CLIP1: variants seen among roughly 807,000 people sequenced by gnomAD.
CLIP1 encodes CAP-Gly domain containing linker protein 1, also known as CAP-Gly domain-containing linker protein 1.
A neutral mutation model predicts 161.6 loss-of-function variants in CLIP1; 66 were observed. The observed-to-expected ratio is 0.41, with a 90% confidence interval of 0.33 to 0.50. CLIP1 has a LOEUF of 0.50. Among genes scored for constraint, CLIP1 ranks in the 20% least tolerant of loss-of-function variants. CLIP1 has a pLI of 0.27. For synonymous variants in CLIP1, 598 were observed against 626.2 expected (o/e 0.96, Z 0.67); for missense variants, 1,376 against 1,702.0 (o/e 0.81, Z 3.37).
intron 1 of CLIP1, among the ~76,000 whole-genome samples, chr12:122,402,334 A>T (rs1039018972): frequency 3.3e-5 from 5 of 152,134 alleles, no homozygotes; most frequent in Admixed American, 6.6e-5. Context: ...CAAAATTTTT[A>T]AAAATTAGCT....
intron 11 of CLIP1, among the ~76,000 whole-genome samples, chr12:122,340,458 T>A (rs1336866588): frequency 6.6e-6 from 1 of 152,216 alleles, no homozygotes; most frequent in Non-Finnish European, 1.5e-5. Flanking sequence ...GATTATAGAC[T>A]GGAGCTAAGC....
intron 20 of CLIP1, among the ~76,000 whole-genome samples, chr12:122,296,338 G>A (rs952008054): frequency 6.6e-6 from 1 of 152,102 alleles, no homozygotes; most frequent in African/African-American, 2.4e-5. Flanking sequence ...AATTTTATTT[G>A]ATGTAAATTA....
intron 23 of CLIP1, 193 bp from the exon 24 acceptor site, chr12:122,278,396 C>A: frequency 1.6e-6 from 1 of 607,908 alleles, no homozygotes; most frequent in Admixed American, 3.0e-5. Context: ...CTCACAGACA[C>A]CAGCCTTGCC....
At chr12:122,336,435 T>C in intron 12 of CLIP1, among the ~76,000 whole-genome samples, 197 bp downstream of exon 12, 1 of 131,744 alleles carries the variant, frequency 7.6e-6, no homozygotes, top group East Asian at 2.3e-4. Context: ...AAAAAAAAAG[T>C]AATACCTACC....
intron 10 of CLIP1, 60 bp from the exon 11 acceptor site, chr12:122,341,757 CTTTTCTTTTTTTTT>C: frequency 2.2e-5 from 2 of 89,256 alleles, no homozygotes; most frequent in East Asian, 1.6e-4. Context: ...TGACTATTTT[CTTTTCTTTTTTTTT>C]TTTTTTTTTT....
At chr12:122,351,218 G>GC in intron 8 of CLIP1, 75 bp from the exon 9 acceptor site, 2 of 878,922 alleles carry the variant, frequency 2.3e-6, no homozygotes, top group South Asian at 2.2e-5. Context: ...ATGTGTTAGG[G>GC]TTTCAAGATA....
At chr12:122,422,049 G>T (rs1289471587) in intron 1 of CLIP1, among the ~76,000 whole-genome samples, 1 of 152,168 alleles carries the variant, frequency 6.6e-6, no homozygotes, top group Non-Finnish European at 1.5e-5. Context: ...GATCGCGGGC[G>T]CCGGGCACCC....
intron 1 of CLIP1, among the ~76,000 whole-genome samples, chr12:122,421,904 G>C (rs192989202): frequency 6.6e-6 from 1 of 152,210 alleles, no homozygotes; most frequent in African/African-American, 2.4e-5. Flanking sequence ...ACCGGGCAGC[G>C]GTGTGATTTC....
chr12:122,327,805 C>A, intron 17 of CLIP1, 142 bp downstream of exon 17: 1 of 666,542 alleles, frequency 1.5e-6, no homozygotes, highest in Non-Finnish European at 2.6e-6. Flanking sequence ...TAATGTACCA[C>A]CCTGCCACGC....
At chr12:122,390,251 CA>C (rs1955566518) in intron 1 of CLIP1, among the ~76,000 whole-genome samples, 1 of 94,214 alleles carries the variant, frequency 1.1e-5, no homozygotes, top group Non-Finnish European at 2.0e-5. Context: ...CATATATATA[CA>C]CATATATACA....
At chr12:122,352,858 C>A in intron 7 of CLIP1, 72 bp from the exon 8 acceptor site, 1 of 1,377,318 alleles carries the variant, frequency 7.3e-7, no homozygotes, top group Non-Finnish European at 1.0e-6. Context: ...ACAAAACAAA[C>A]AAACAAAAAA....
At chr12:122,404,556 C>T (rs1449766643) in intron 1 of CLIP1, among the ~76,000 whole-genome samples, 3 of 151,502 alleles carry the variant, frequency 2.0e-5, no homozygotes, top group Non-Finnish European at 4.4e-5. Context: ...GCCAAGATTG[C>T]GCCACAGCAC....
intron 25 of CLIP1, 41 bp downstream of exon 25, chr12:122,273,997 T>C: frequency 1.3e-6 from 2 of 1,598,198 alleles, no homozygotes; most frequent in Non-Finnish European, 1.7e-6. Flanking sequence ...CCTCCCAAAG[T>C]GCTGGGATTA....
At chr12:122,327,858 C>G in intron 17 of CLIP1, 89 bp downstream of exon 17, 1 of 1,243,296 alleles carries the variant, frequency 8.0e-7, no homozygotes. Context: ...TAACTTTTCC[C>G]ACTGGCTGCT....
chr12:122,365,226 A>C (rs1046148490), intron 3 of CLIP1: 23 of 490,000 alleles, frequency 4.7e-5, no homozygotes, highest in African/African-American at 1.8e-4. Context: ...CCTAAAACTT[A>C]AAGTATAATA....
intron 20 of CLIP1, among the ~76,000 whole-genome samples, chr12:122,301,758 C>T (rs1039213602): frequency 5.9e-5 from 9 of 152,186 alleles, no homozygotes; most frequent in Non-Finnish European, 1.3e-4. Context: ...TTGGATTTAA[C>T]GCTCATGACC....
At chr12:122,408,494 G>A (rs532502947) in intron 1 of CLIP1, among the ~76,000 whole-genome samples, 3 of 151,382 alleles carry the variant, frequency 2.0e-5, no homozygotes, top group African/African-American at 4.8e-5. Context: ...GACTACAGGC[G>A]CCTGCCACCA....
chr12:122,334,672 C>T lies in CLIP1; in HGVS notation c.2602G>A (p.Val868Ile), dbSNP rs776293783. 1 of 1,587,828 alleles carries T rather than the reference C, an allele frequency of 6.3e-7. No individual in the cohort carries two copies. Among genetic ancestry groups the T allele is most frequent in the African/African-American group, 1.3e-5 (1 of 74,794 alleles). The change falls in exon 13 of 26, where the codon GTC becomes ATC. Residue 868 changes from valine (V) to isoleucine (I), a missense_variant. By Grantham distance (29) the Val-to-Ile change is conservative. This residue lies in a region of CLIP1 where 948 missense variants were observed against 1,134.8 expected (regional missense o/e 0.84). Coordinates refer to ENST00000620786, the MANE Select transcript of CLIP1 (RefSeq NM_001247997.2). ...CCTTGCATACTTCTCTGAACAGAGACTGCCTCCTCTGAAGCTTCAGCAAAC... is the reference window on the plus strand; with the variant it reads ...CCTTGCATACTTCTCTGAACAGAGATTGCCTCCTCTGAAGCTTCAGCAAAC... ...EKFAEASEEA[V>I]SVQRSMQETV... is the part of the protein sequence containing the mutation.
At chr12:122,315,259 T>A (rs1448884881) in intron 19 of CLIP1, among the ~76,000 whole-genome samples, 6 of 152,206 alleles carry the variant, frequency 3.9e-5, no homozygotes, top group Non-Finnish European at 8.8e-5. Context: ...CACAAACCCT[T>A]GAAGGGCAGG....
Sources: gnomAD v4.1 joint callset for allele counts (sites outside exome capture counted in the v4.1 genomes callset) on GRCh38, gnomAD v4.1.1 for gene constraint, gnomAD v4.1.1 regional missense constraint, MANE v1.5 for transcripts, NCBI Gene and HGNC (gene_info 2026-07-23, HGNC 2026-07-21) for gene names.